The following CCDC15 variants were observed in gnomAD, a reference collection of about 807,000 sequenced individuals.
CCDC15 encodes coiled-coil domain containing 15.
Under a neutral mutation model 114.5 loss-of-function variants are expected in CCDC15, and 105 were observed. The ratio of observed to expected loss-of-function variants is 0.92; its 90% CI spans 0.78 to 1.08. The LOEUF (loss-of-function observed/expected upper bound fraction) is 1.08. CCDC15 is among the 50% of genes least tolerant of loss of function. The pLI is 0.00. For missense variants in CCDC15, 1,105 were observed against 1,093.6 expected (o/e 1.01, Z -0.15); for synonymous variants, 334 against 377.8 (o/e 0.88, Z 1.34).
chr11:125,028,559 G>T (rs1329625795), intron 13 of CCDC15, among the ~76,000 whole-genome samples: 4 of 151,946 alleles, frequency 2.6e-5, no homozygotes, highest in Admixed American at 2.6e-4. Context: ...GTTGTGAAAG[G>T]GACTGAGTTC....
chr11:125,016,835 T>C (rs1948632439), intron 13 of CCDC15, among the ~76,000 whole-genome samples: 1 of 152,178 alleles, frequency 6.6e-6, no homozygotes, highest in Admixed American at 6.5e-5. Flanking sequence ...ACTGACCTTC[T>C]TTGAAAGCTT....
chr11:124,971,945 CTCTT>C (rs1189611162), intron 4 of CCDC15, among the ~76,000 whole-genome samples: 1 of 152,184 alleles, frequency 6.6e-6, no homozygotes, highest in Non-Finnish European at 1.5e-5. Flanking sequence ...TACACATGCA[CTCTT>C]TCCACTCCCG....
intron 2 of CCDC15, among the ~76,000 whole-genome samples, chr11:124,957,251 G>A (rs762408177): frequency 5.3e-5 from 8 of 152,240 alleles, no homozygotes; most frequent in South Asian, 2.1e-4. Flanking sequence ...ACTATTTTCC[G>A]GCTATTGGCT....
At chr11:125,034,398 C>T (rs964536186) in intron 13 of CCDC15, among the ~76,000 whole-genome samples, 8 of 152,310 alleles carry the variant, frequency 5.3e-5, no homozygotes, top group South Asian at 2.1e-4. Context: ...GCCAGCCACT[C>T]GCGTGATAAA....
At chr11:124,971,147 A>G (rs938541780) in intron 4 of CCDC15, among the ~76,000 whole-genome samples, 1 of 152,104 alleles carries the variant, frequency 6.6e-6, no homozygotes, top group Non-Finnish European at 1.5e-5. Flanking sequence ...TATACCTGGG[A>G]TATAGTCTCT....
At chr11:124,973,724 G>T (rs1282143467) in intron 4 of CCDC15, among the ~76,000 whole-genome samples, 2 of 151,910 alleles carry the variant, frequency 1.3e-5, no homozygotes, top group Non-Finnish European at 2.9e-5. Context: ...CCAGGCTCAA[G>T]CAATCCTTCC....
intron 13 of CCDC15, among the ~76,000 whole-genome samples, chr11:125,019,416 C>T (rs1051299540): frequency 2.6e-5 from 4 of 151,912 alleles, no homozygotes; most frequent in African/African-American, 9.7e-5. Context: ...TTACTCATTT[C>T]ATTTTACAGA....
rs371072690 is a variant in CCDC15, at chr11:124,992,683, A to T, written c.2135A>T (p.Glu712Val). Residue 712 changes from glutamate (E) to valine (V), a missense_variant, in exon 10 of 16, where the codon GAA (glutamate) becomes GTA (valine). Glu to Val is a moderately radical substitution (Grantham distance 121). Coordinates refer to ENST00000344762, the MANE Select transcript of CCDC15 (RefSeq NM_025004.3). ...PKIQDQDSPR[E>V]QNKHIKLPSS... ...ATCCAGGACCAAGACTCCCCTAGAG[A>T]ACAGGTAGAACCGAATACAGTAGGA... The T allele has an allele frequency of 3.1e-5, 47 of 1,536,942 alleles. No homozygotes were observed. The African/African-American group carries it at 5.7e-4, about 19-fold the overall frequency.
chr11:125,013,753 A>T (rs1331880647), intron 13 of CCDC15, among the ~76,000 whole-genome samples: 11 of 152,188 alleles, frequency 7.2e-5, no homozygotes, highest in Non-Finnish European at 1.6e-4. Flanking sequence ...AGCATGTGAA[A>T]TATTAAGGGA....
intron 4 of CCDC15, among the ~76,000 whole-genome samples, chr11:124,969,163 T>C (rs975152050): frequency 5.9e-5 from 9 of 152,176 alleles, no homozygotes; most frequent in Admixed American, 6.5e-5. Context: ...AACAACACAA[T>C]ACTGTATTTT....
At chr11:124,986,980 G>T in intron 7 of CCDC15, 92 bp downstream of exon 7, 1 of 1,402,294 alleles carries the variant, frequency 7.1e-7, no homozygotes, top group Non-Finnish European at 9.4e-7. Context: ...TTTAGCTTTT[G>T]TTAAGTTGGA....
chr11:124,980,939 C>A (rs1948063643), intron 6 of CCDC15, among the ~76,000 whole-genome samples: 1 of 152,070 alleles, frequency 6.6e-6, no homozygotes, highest in African/African-American at 2.4e-5. Flanking sequence ...TGGCTGTGTC[C>A]CACAGATTCT....
chr11:124,957,830 C>A (rs1020618573), intron 2 of CCDC15, among the ~76,000 whole-genome samples: 1 of 151,936 alleles, frequency 6.6e-6, no homozygotes, highest in Non-Finnish European at 1.5e-5. Context: ...TCTGAGGTAC[C>A]CTTCAGAATT....
At chr11:124,981,256 G>T (rs996610908) in intron 6 of CCDC15, among the ~76,000 whole-genome samples, 1 of 152,138 alleles carries the variant, frequency 6.6e-6, no homozygotes, top group Non-Finnish European at 1.5e-5. Flanking sequence ...TGTTAACTTT[G>T]GGGTGGAGAG....
At chr11:125,018,055 A>T (rs1188748526) in intron 13 of CCDC15, among the ~76,000 whole-genome samples, 4 of 152,078 alleles carry the variant, frequency 2.6e-5, no homozygotes, top group Non-Finnish European at 5.9e-5. Flanking sequence ...TGTAACTTTA[A>T]TCTAAGTGTA....
chr11:124,984,336 C>T (rs915238072), intron 6 of CCDC15, among the ~76,000 whole-genome samples: 1 of 152,044 alleles, frequency 6.6e-6, no homozygotes, highest in Non-Finnish European at 1.5e-5. Flanking sequence ...ATTATGTGGG[C>T]CTCTGGGAGG....
chr11:125,022,911 A>AT (rs1273180084), intron 13 of CCDC15, among the ~76,000 whole-genome samples: 1 of 151,812 alleles, frequency 6.6e-6, no homozygotes, highest in Non-Finnish European at 1.5e-5. Flanking sequence ...TTTTTTGATG[A>AT]TTTTCTCACT....
At position 125,039,089 on chromosome 11, in the gene CCDC15, AG is replaced by A; in HGVS notation, c.2734+21del. ...ACAGAGGTAAGTTTCTTGAAGGAAT[AG>A]TCAGGGCCTAATGGCAACAAGAAAA... On this transcript the variant is annotated intron_variant, in intron 15 of 15. Transcript: ENST00000344762. The A allele has an allele frequency of 6.4e-7, 1 of 1,564,558 alleles. No homozygotes were observed. Among genetic ancestry groups the A allele is most frequent in the South Asian group, 1.2e-5 (1 of 83,672 alleles).
rs1948804983 is a variant in CCDC15 at position 125,040,025 on chromosome 11, G to T, written c.2735-565G>T. 2.0e-5 allele frequency among the ~76,000 whole-genome samples: 3 copies of T among 150,734 alleles called. No homozygotes were observed. The South Asian group carries it at 6.3e-4, about 32-fold the overall frequency. ...CCAACTTCATTCTATGATGACATTT[G>T]TTGTTGTTGTTTGTTTTTTTGTTTT... is the stretch of plus-strand genomic sequence containing the variant. On this transcript the variant is annotated intron_variant, in intron 15 of 15. Transcript: ENST00000344762.
Sources: gnomAD v4.1 joint callset for allele counts (sites outside exome capture counted in the v4.1 genomes callset) on GRCh38, gnomAD v4.1.1 for gene constraint, MANE v1.5 for transcripts, NCBI Gene and HGNC (gene_info 2026-07-23, HGNC 2026-07-21) for gene names.